The following KANK1 variants were observed in gnomAD, a reference collection of about 807,000 sequenced individuals.
KANK1 encodes KN motif and ankyrin repeat domain-containing protein 1.
In KANK1, 109 loss-of-function variants were observed where a neutral mutation model predicts 106.2. That is an observed-to-expected ratio of 1.03 (90% CI 0.88 to 1.20). The LOEUF (loss-of-function observed/expected upper bound fraction) is 1.20, where lower values mean the gene tolerates loss of function less well. Ranked by LOEUF, KANK1 falls within the 50% of genes most tolerant of loss-of-function variation. The pLI is 0.00. For missense variants in KANK1, 2,399 were observed against 1,710.7 expected (o/e 1.40, Z -7.10); for synonymous variants, 873 against 652.2 (o/e 1.34, Z -5.16).
At chr9:639,651 C>G (rs1457707927) in intron 1 of KANK1, among the ~76,000 whole-genome samples, 2 of 152,204 alleles carry the variant, frequency 1.3e-5, no homozygotes, top group Non-Finnish European at 1.5e-5. Flanking sequence ...GTGCCACACC[C>G]TCTGCCTTCT....
At chr9:688,304 C>T (rs544381772) in intron 2 of KANK1, among the ~76,000 whole-genome samples, 32 of 152,312 alleles carry the variant, frequency 2.1e-4, no homozygotes, top group African/African-American at 7.0e-4. Context: ...TGCTCTAAGG[C>T]AGGCTTAAGA....
At chr9:728,099 C>G (rs1038669040) in intron 3 of KANK1, among the ~76,000 whole-genome samples, 2 of 152,186 alleles carry the variant, frequency 1.3e-5, no homozygotes, top group Non-Finnish European at 2.9e-5. Flanking sequence ...CAACCTGACT[C>G]TCCTATAGCA....
At chr9:684,611 C>G (rs1301249133) in intron 2 of KANK1, 2 of 983,566 alleles carry the variant, frequency 2.0e-6, no homozygotes, top group Non-Finnish European at 2.4e-6. Flanking sequence ...ATGCACTTCC[C>G]CTCTTTCTTG....
At chr9:737,989 A>G in intron 7 of KANK1, among the ~76,000 whole-genome samples, 1 of 152,196 alleles carries the variant, frequency 6.6e-6, no homozygotes, top group East Asian at 1.9e-4. Flanking sequence ...CGGGTCATAA[A>G]GCTTTTAGGT....
chr9:637,710 G>A (rs1276802983), intron 1 of KANK1, among the ~76,000 whole-genome samples: 1 of 152,122 alleles, frequency 6.6e-6, no homozygotes, highest in Non-Finnish European at 1.5e-5. Flanking sequence ...ATGTTAAGAT[G>A]TTTAGAATTT....
At chr9:600,532 G>A (rs1827477701) in intron 1 of KANK1, among the ~76,000 whole-genome samples, 1 of 151,884 alleles carries the variant, frequency 6.6e-6, no homozygotes, top group African/African-American at 2.4e-5. Context: ...ATAAAATGAA[G>A]TCCTTTTAGG....
intron 1 of KANK1, among the ~76,000 whole-genome samples, chr9:577,592 TG>T (rs1806797010): frequency 6.6e-6 from 1 of 152,172 alleles, no homozygotes; most frequent in East Asian, 1.9e-4. Context: ...CCAGATAGCT[TG>T]TGCCCACCCT....
chr9:487,242 C>A (rs186703632), intron 3 of KANK1, among the ~76,000 whole-genome samples: 1 of 152,296 alleles, frequency 6.6e-6, no homozygotes, highest in East Asian at 1.9e-4. Context: ...GAAAGCCATA[C>A]GTGTTCAGTA....
At chr9:481,144 T>A (rs1001868939) in intron 3 of KANK1, among the ~76,000 whole-genome samples, 1 of 152,232 alleles carries the variant, frequency 6.6e-6, no homozygotes, top group Non-Finnish European at 1.5e-5. Flanking sequence ...TATTGAATAC[T>A]GGACTGGAAG....
chr9:716,024 CA>C lies in KANK1; in HGVS notation c.2698+2564del, dbSNP rs542245941. Among the ~76,000 whole-genome samples, 146 of 152,256 alleles carry C rather than the reference CA, an allele frequency of 9.6e-4. 3 individuals carry two copies. Among genetic ancestry groups the C allele is most frequent in the African/African-American group, 3.1e-3 (130 of 41,552 alleles). On this transcript the variant is annotated intron_variant, in intron 3 of 11. Coordinates refer to ENST00000382297, the MANE Select transcript of KANK1 (RefSeq NM_015158.5). Reference sequence around the variant, plus strand: ...CACAGTCTAGAATGTATTTCTGAACCAAAAGATATACTGGAGTATAGAAGGG... The same window carrying C: ...CACAGTCTAGAATGTATTTCTGAACCAAAGATATACTGGAGTATAGAAGGG...
chr9:646,515 C>T (rs1035546327), intron 1 of KANK1, among the ~76,000 whole-genome samples: 19 of 150,576 alleles, frequency 1.3e-4, no homozygotes, highest in Admixed American at 1.2e-3. Context: ...CTTTTGAAAA[C>T]TTTCTGAAGT....
chr9:704,224 A>G (rs1589047595), intron 2 of KANK1, among the ~76,000 whole-genome samples: 1 of 152,216 alleles, frequency 6.6e-6, no homozygotes, highest in Non-Finnish European at 1.5e-5. Context: ...CTAAAACAAA[A>G]TAGACCTTTA....
At chr9:496,132 T>G (rs1215294338) in intron 3 of KANK1, among the ~76,000 whole-genome samples, 5 of 152,222 alleles carry the variant, frequency 3.3e-5, no homozygotes, top group Non-Finnish European at 1.5e-5. Context: ...AGCCCCATTC[T>G]TCTTGTCTGC....
intron 1 of KANK1, among the ~76,000 whole-genome samples, chr9:624,800 A>G (rs907373252): frequency 2.0e-5 from 3 of 152,016 alleles, no homozygotes; most frequent in African/African-American, 7.3e-5. Flanking sequence ...CTCTGTCTCA[A>G]AAAACAAACA....
chr9:704,907 C>T (rs1249470456), intron 2 of KANK1, among the ~76,000 whole-genome samples: 2 of 145,484 alleles, frequency 1.4e-5, no homozygotes, highest in Non-Finnish European at 3.0e-5. Context: ...GCGGGAGGAT[C>T]ACTTGAGCCC....
chr9:627,846 C>G (rs1052690663), intron 1 of KANK1, among the ~76,000 whole-genome samples: 1 of 151,992 alleles, frequency 6.6e-6, no homozygotes, highest in Non-Finnish European at 1.5e-5. Flanking sequence ...AATTTTAGGC[C>G]AAATAGGGCT....
intron 1 of KANK1, among the ~76,000 whole-genome samples, chr9:590,605 A>T (rs894880525): frequency 4.6e-5 from 7 of 151,436 alleles, no homozygotes; most frequent in Non-Finnish European, 5.9e-5. Flanking sequence ...TAACTTTACC[A>T]CCATTAAATA....
At chr9:569,871 T>C (rs1218129218) in intron 1 of KANK1, among the ~76,000 whole-genome samples, 2 of 152,138 alleles carry the variant, frequency 1.3e-5, no homozygotes, top group African/African-American at 2.4e-5. Flanking sequence ...TTATGTTAAT[T>C]ATTTAGGGCT....
intron 7 of KANK1, chr9:735,778 G>A (rs1321470896): frequency 3.1e-5 from 13 of 419,160 alleles, no homozygotes. Context: ...TGGATCACAT[G>A]AGGTCTGGAG....
Sources: gnomAD v4.1 joint callset for allele counts (sites outside exome capture counted in the v4.1 genomes callset) on GRCh38, gnomAD v4.1.1 for gene constraint, MANE v1.5 for transcripts, NCBI Gene and HGNC (gene_info 2026-07-23, HGNC 2026-07-21) for gene names.